The following NEDD8 variants were observed in gnomAD, a reference collection of about 807,000 sequenced individuals.
NEDD8 encodes the protein NEDD8 ubiquitin like modifier.
Under a neutral mutation model 13.8 loss-of-function variants are expected in NEDD8, and 1 was observed. That is an observed-to-expected ratio of 0.07 (90% CI 0.03 to 0.34). The LOEUF (loss-of-function observed/expected upper bound fraction) is 0.34. Ranked by LOEUF, NEDD8 falls within the 10% of genes least tolerant of loss-of-function variation. The pLI, the probability that NEDD8 is intolerant of heterozygous loss-of-function variation, is 0.99. For synonymous variants in NEDD8, 31 were observed against 33.2 expected (o/e 0.93, Z 0.23); for missense variants, 10 against 95.2 (o/e 0.10, Z 3.73).
At chr14:24,219,475 CAAAAAAAAAAAAAAA>C (rs59964484) in intron 1 of NEDD8, among the ~76,000 whole-genome samples, 4 of 33,368 alleles carry the variant, frequency 1.2e-4, no homozygotes, top group Non-Finnish European at 2.2e-4. Context: ...AACACCCTCG[CAAAAAAAAAAAAAAA>C]AAAAAAAAAA....
At chr14:24,221,287 CTTT>C (rs35302229) in intron 1 of NEDD8, among the ~76,000 whole-genome samples, 3 of 140,258 alleles carry the variant, frequency 2.1e-5, no homozygotes, top group African/African-American at 2.7e-5. Context: ...ATTTCACTTT[CTTT>C]TTTTTTTTTT....
intron 1 of NEDD8, among the ~76,000 whole-genome samples, chr14:24,223,998 G>A (rs2039849612): frequency 6.6e-6 from 1 of 152,020 alleles, no homozygotes; most frequent in Non-Finnish European, 1.5e-5. Flanking sequence ...CACGATCTCG[G>A]CTCACTGCAA....
chr14:24,217,551 A>G (rs1027717025), intron 3 of NEDD8, among the ~76,000 whole-genome samples: 1 of 152,082 alleles, frequency 6.6e-6, no homozygotes, highest in Non-Finnish European at 1.5e-5. Context: ...CAGCCTCCCA[A>G]AGTGCTGGGA....
intron 1 of NEDD8, chr14:24,227,720 G>C (rs1048297262): frequency 2.0e-5 from 3 of 152,190 alleles, no homozygotes; most frequent in Non-Finnish European, 4.4e-5. Flanking sequence ...AAGGTAACAA[G>C]ATTTAAATCA....
At chr14:24,220,185 A>G (rs1275104693) in intron 1 of NEDD8, among the ~76,000 whole-genome samples, 2 of 152,224 alleles carry the variant, frequency 1.3e-5, no homozygotes, top group African/African-American at 2.4e-5. Flanking sequence ...ATATTAATAT[A>G]CCAATTACAG....
At chr14:24,222,170 T>A (rs1158083994) in intron 1 of NEDD8, among the ~76,000 whole-genome samples, 1 of 152,320 alleles carries the variant, frequency 6.6e-6, no homozygotes, top group East Asian at 1.9e-4. Context: ...ATTGCAACCT[T>A]TTGATACTGT....
chr14:24,219,186 G>A (rs921631627), intron 1 of NEDD8, among the ~76,000 whole-genome samples: 2 of 151,984 alleles, frequency 1.3e-5, no homozygotes, highest in Non-Finnish European at 2.9e-5. Context: ...AATTGGCTGG[G>A]CATGGTGGCT....
chr14:24,224,608 T>C (rs1489989285), intron 1 of NEDD8, among the ~76,000 whole-genome samples: 1 of 152,216 alleles, frequency 6.6e-6, no homozygotes, highest in Non-Finnish European at 1.5e-5. Flanking sequence ...ATGGCTACCA[T>C]TTTGGACACT....
chr14:24,226,445 CA>C (rs34325177), intron 1 of NEDD8, among the ~76,000 whole-genome samples: 82,628 of 109,122 alleles, frequency 0.76, 29,636 homozygotes, highest in Middle Eastern at 0.83. Flanking sequence ...GACTCCATCT[CA>C]AAAAAAAAAA....
chr14:24,229,051 G>A (rs2039946505), intron 1 of NEDD8, among the ~76,000 whole-genome samples: 1 of 152,146 alleles, frequency 6.6e-6, no homozygotes, highest in Non-Finnish European at 1.5e-5. Context: ...TATTCAAAGT[G>A]TAGCTCTCAG....
In NEDD8 at chr14:24,217,440, C is replaced by T. The variant is rs149234704; in HGVS notation, c.150-217G>A. 0.017 allele frequency among the ~76,000 whole-genome samples: 2,585 copies of T among 152,200 alleles called. 120 individuals carry two copies. In the East Asian group the frequency reaches 0.2, roughly 12 times the overall value. ...GAGTAGCTGGGATTACAAGCGCCCA[C>T]CACCACGCCCAGCTAATTTTTGTAT... On this transcript the variant is annotated intron_variant, in intron 3 of 3. Coordinates refer to ENST00000250495, the MANE Select transcript of NEDD8 (RefSeq NM_006156.3).
chr14:24,226,657 A>C (rs921290118), intron 1 of NEDD8: 2 of 152,200 alleles, frequency 1.3e-5, no homozygotes, highest in Non-Finnish European at 2.9e-5. Context: ...TATAATAGCC[A>C]AAATAAAAAT....
At position 24,218,171 on chromosome 14, in the gene NEDD8, G is replaced by C. The variant is rs370083312; in HGVS notation, c.111C>G (p.Pro37=). 142 of 1,613,966 alleles carry C rather than the reference G, an allele frequency of 8.8e-5. No individual in the cohort carries two copies. Among genetic ancestry groups the C allele is most frequent in the Non-Finnish European group, 1.1e-4 (132 of 1,180,046 alleles). The stretch of plus-strand genomic sequence containing the variant: ...TGTAGATGAGCCTCTGCTGTTGTGG[G>C]GGGATTCCCTCTTTCTCCTCCACAC... The part of the protein sequence containing the change: ...KERVEEKEGI[P]PQQQRLIYSG... Residue 37 remains proline (P), a synonymous_variant, in exon 3 of 4, where the codon CCC becomes CCG. Transcript: ENST00000250495.
intron 1 of NEDD8, among the ~76,000 whole-genome samples, chr14:24,230,534 C>CA (rs1181616079): frequency 0.38 from 24,779 of 65,028 alleles, 5,789 homozygotes; most frequent in East Asian, 0.59. Flanking sequence ...GACTCTGTCT[C>CA]AAAAAAAAAA....
intron 1 of NEDD8, among the ~76,000 whole-genome samples, chr14:24,223,085 C>CAAAA (rs71426836): frequency 6.6e-5 from 5 of 75,592 alleles, no homozygotes; most frequent in South Asian, 5.7e-4. Context: ...GACTGCATTT[C>CAAAA]AAAAAAAAAA....
At chr14:24,222,492 AT>A (rs1208836618) in intron 1 of NEDD8, among the ~76,000 whole-genome samples, 1 of 152,158 alleles carries the variant, frequency 6.6e-6, no homozygotes, top group Non-Finnish European at 1.5e-5. Flanking sequence ...TGTATTTTCC[AT>A]TTTTTATACC....
chr14:24,220,290 A>G (rs2039784220), intron 1 of NEDD8, among the ~76,000 whole-genome samples: 1 of 152,214 alleles, frequency 6.6e-6, no homozygotes, highest in Non-Finnish European at 1.5e-5. Context: ...TCATATTATA[A>G]TCACAGCTAA....
At chr14:24,223,017 C>T (rs2039831773) in intron 1 of NEDD8, among the ~76,000 whole-genome samples, 3 of 132,742 alleles carry the variant, frequency 2.3e-5, no homozygotes, top group Non-Finnish European at 3.1e-5. Context: ...ACCCAGGAGG[C>T]GGAGGTTACG....
chr14:24,218,280 A>G lies in NEDD8; in HGVS notation c.67-65T>C, dbSNP rs890166711. On this transcript the variant is annotated intron_variant, in intron 2 of 3. Coordinates refer to ENST00000250495, the MANE Select transcript of NEDD8 (RefSeq NM_006156.3). ...TAGGACCATGGAAACGGAAAGAACA[A>G]GGGCTATGCAGACAGCATGAGAGCA... is the stretch of plus-strand genomic sequence containing the variant. 3 of 1,613,638 alleles carry G rather than the reference A, an allele frequency of 1.9e-6. No individual in the cohort carries two copies. In the African/African-American group the frequency reaches 4.0e-5, roughly 22 times the overall value.
Sources: allele counts gnomAD v4.1 joint callset (sites outside exome capture counted in the v4.1 genomes callset), GRCh38; gene constraint gnomAD v4.1.1; transcripts MANE v1.5; gene names NCBI Gene and HGNC (gene_info 2026-07-23, HGNC 2026-07-21).